SMOC2: variants seen among roughly 807,000 people sequenced by gnomAD.
The protein encoded by SMOC2 is SPARC-related modular calcium-binding protein 2.
SMOC2 carries 39 observed loss-of-function variants against 61.4 expected under a neutral mutation model. The observed-to-expected ratio is 0.64, with a 90% CI of 0.49 to 0.83. SMOC2 has a LOEUF of 0.83. Among genes scored for constraint, SMOC2 ranks in the 40% least tolerant of loss-of-function variants. SMOC2 has a pLI of 0.00. For synonymous variants in SMOC2, 247 were observed against 239.9 expected (o/e 1.03, Z -0.27); for missense variants, 556 against 592.9 (o/e 0.94, Z 0.65).
intron 9 of SMOC2, among the ~76,000 whole-genome samples, chr6:168,634,779 G>A (rs1348278851): frequency 6.6e-6 from 1 of 152,220 alleles, no homozygotes; most frequent in Non-Finnish European, 1.5e-5. Flanking sequence ...TTCTCTGTGT[G>A]AATACAGGGA....
At chr6:168,491,464 C>A (rs1294773530) in intron 1 of SMOC2, among the ~76,000 whole-genome samples, 1 of 152,130 alleles carries the variant, frequency 6.6e-6, no homozygotes, top group East Asian at 1.9e-4. Flanking sequence ...GTGAAGACTG[C>A]TTGGTCTCAT....
chr6:168,613,242 A>G (rs1313326446), intron 9 of SMOC2, among the ~76,000 whole-genome samples: 1 of 152,162 alleles, frequency 6.6e-6, no homozygotes, highest in East Asian at 1.9e-4. Flanking sequence ...AGGAAGGTGC[A>G]GGGGAAGTCT....
intron 9 of SMOC2, among the ~76,000 whole-genome samples, chr6:168,637,255 A>C (rs1301336977): frequency 6.6e-6 from 1 of 152,116 alleles, no homozygotes; most frequent in Non-Finnish European, 1.5e-5. Flanking sequence ...GGTGTGGTCC[A>C]TTAACAAACC....
chr6:168,494,098 A>T (rs531316566), intron 1 of SMOC2, among the ~76,000 whole-genome samples: 1 of 152,322 alleles, frequency 6.6e-6, no homozygotes, highest in South Asian at 2.1e-4. Context: ...ACATTATTCC[A>T]GGCATATTGG....
chr6:168,590,464 G>T (rs541492151), intron 7 of SMOC2, among the ~76,000 whole-genome samples: 36 of 152,164 alleles, frequency 2.4e-4, no homozygotes, highest in African/African-American at 8.2e-4. Context: ...GGGGCAGCCG[G>T]CCTGGTGGTG....
intron 11 of SMOC2, among the ~76,000 whole-genome samples, chr6:168,658,952 T>G (rs1057059858): frequency 1.3e-5 from 2 of 149,306 alleles, no homozygotes; most frequent in Non-Finnish European, 3.0e-5. Flanking sequence ...GTGTGTGTGG[T>G]GTGTGTGTAT....
At chr6:168,519,068 AGT>A (rs756394212) in intron 2 of SMOC2, among the ~76,000 whole-genome samples, 71 of 103,054 alleles carry the variant, frequency 6.9e-4, no homozygotes, top group Admixed American at 1.6e-3. Flanking sequence ...TATGTGTGTG[AGT>A]GTATGTATGC....
rs752877427 is a variant in SMOC2, at chr6:168,496,908, C to T, written c.85-13007C>T. On this transcript the variant is annotated intron_variant, in intron 1 of 12. Coordinates refer to ENST00000356284, the MANE Select transcript of SMOC2 (RefSeq NM_001166412.2). ...AAAATTCAAAGAATCTGTTTTAATG[C>T]GTGACCCAAGGTGAGAGGGGAACAG... Among the ~76,000 whole-genome samples the T allele has an allele frequency of 5.3e-5, 8 of 152,226 alleles. 1 individual carries two copies. Among genetic ancestry groups the T allele is most frequent in the Non-Finnish European group, 1.0e-4 (7 of 68,024 alleles).
intron 7 of SMOC2, among the ~76,000 whole-genome samples, chr6:168,558,482 G>A (rs1294781787): frequency 6.6e-6 from 1 of 152,158 alleles, no homozygotes; most frequent in Non-Finnish European, 1.5e-5. Context: ...CCCTGGGAAG[G>A]ACAGAAGGGG....
At chr6:168,603,644 A>G (rs1157568344) in intron 8 of SMOC2, among the ~76,000 whole-genome samples, 5 of 152,114 alleles carry the variant, frequency 3.3e-5, no homozygotes, top group African/African-American at 9.7e-5. Context: ...AGATGCAGAT[A>G]TAAGCCAAAC....
At chr6:168,534,444 C>CG (rs1554236233) in intron 4 of SMOC2, among the ~76,000 whole-genome samples, 5 of 152,246 alleles carry the variant, frequency 3.3e-5, no homozygotes. Flanking sequence ...TGCCAGGGCC[C>CG]GGACTGGAAG....
intron 6 of SMOC2, among the ~76,000 whole-genome samples, chr6:168,548,729 A>T (rs1054151673): frequency 9.2e-5 from 14 of 152,212 alleles, no homozygotes; most frequent in Non-Finnish European, 1.8e-4. Context: ...AGTTTCAGGC[A>T]AAAGTTATAC....
chr6:168,504,199 G>A (rs552953395), intron 1 of SMOC2, among the ~76,000 whole-genome samples: 2 of 152,034 alleles, frequency 1.3e-5, no homozygotes, highest in South Asian at 2.1e-4. Context: ...CAACCTTTTC[G>A]GCATGAGGAA....
At chr6:168,649,878 G>A (rs893184802) in intron 9 of SMOC2, among the ~76,000 whole-genome samples, 1 of 152,218 alleles carries the variant, frequency 6.6e-6, no homozygotes, top group Non-Finnish European at 1.5e-5. Context: ...AGCTACTGGG[G>A]CAGTAGCACC....
intron 1 of SMOC2, among the ~76,000 whole-genome samples, chr6:168,507,909 G>T (rs759699620): frequency 6.6e-6 from 1 of 152,210 alleles, no homozygotes; most frequent in African/African-American, 2.4e-5. Context: ...TCTGGGTGCC[G>T]CTCACCTGTC....
intron 4 of SMOC2, among the ~76,000 whole-genome samples, chr6:168,541,253 C>T (rs763296817): frequency 6.6e-6 from 1 of 152,158 alleles, no homozygotes; most frequent in Non-Finnish European, 1.5e-5. Flanking sequence ...GAATCCAAGG[C>T]TGAGGGGGAT....
At chr6:168,587,588 T>G (rs899673604) in intron 7 of SMOC2, among the ~76,000 whole-genome samples, 2 of 152,148 alleles carry the variant, frequency 1.3e-5, no homozygotes, top group African/African-American at 4.8e-5. Flanking sequence ...GAGAGGAGGA[T>G]AGAGGAACAG....
chr6:168,468,922 C>T (rs1781906544), intron 1 of SMOC2, among the ~76,000 whole-genome samples: 2 of 152,188 alleles, frequency 1.3e-5, no homozygotes, highest in Admixed American at 1.3e-4. Flanking sequence ...CAGTTTTATC[C>T]ATAATTCTGT....
chr6:168,580,924 C>A (rs936803056), intron 7 of SMOC2, among the ~76,000 whole-genome samples: 1 of 152,166 alleles, frequency 6.6e-6, no homozygotes, highest in Admixed American at 6.5e-5. Context: ...ACCTACAGTG[C>A]GTGTAAATGT....
Sources: gnomAD v4.1 joint callset for allele counts (sites outside exome capture counted in the v4.1 genomes callset) on GRCh38, gnomAD v4.1.1 for gene constraint, MANE v1.5 for transcripts, NCBI Gene and HGNC (gene_info 2026-07-23, HGNC 2026-07-21) for gene names.